PWWP2A: variants seen among roughly 807,000 people sequenced by gnomAD.
PWWP2A encodes PWWP domain containing 2A.
Under a neutral mutation model 48.5 loss-of-function variants are expected in PWWP2A, and 18 were observed. The ratio of observed to expected loss-of-function variants is 0.37; its 90% CI spans 0.26 to 0.55. The LOEUF (loss-of-function observed/expected upper bound fraction) is 0.55. Ranked by LOEUF, PWWP2A falls within the 20% of genes least tolerant of loss-of-function variation. The pLI, the probability that PWWP2A is intolerant of heterozygous loss-of-function variation, is 0.81. For synonymous variants in PWWP2A, 396 were observed against 387.7 expected, an observed-to-expected ratio of 1.02 and a Z score of -0.25; for missense variants, 867 against 976.4, an observed-to-expected ratio of 0.89 and a Z score of 1.49.
downstream of PWWP2A, chr5:160,089,520 A>G: frequency 7.8e-7 from 1 of 1,281,246 alleles, no homozygotes; most frequent in Non-Finnish European, 1.0e-6. Context: ...CCTCTCACAG[A>G]TAATTGTTTG....
downstream of PWWP2A, among the ~76,000 whole-genome samples, chr5:160,058,309 C>G (rs1299402894): frequency 6.6e-6 from 1 of 152,212 alleles, no homozygotes; most frequent in African/African-American, 2.4e-5. Flanking sequence ...TCTTCACCCC[C>G]TCAAAGTCAT....
intron 1 of PWWP2A, among the ~76,000 whole-genome samples, chr5:160,107,075 C>T (rs1032521211): frequency 1.3e-5 from 2 of 152,230 alleles, no homozygotes; most frequent in Non-Finnish European, 2.9e-5. Context: ...AGCCACCCAC[C>T]TTGGCCTCCC....
the PWWP2A span, among the ~76,000 whole-genome samples, chr5:160,045,072 G>C: frequency 2.2e-4 from 34 of 152,294 alleles, no homozygotes; most frequent in Middle Eastern, 3.4e-3. Flanking sequence ...TTTCCTTTAT[G>C]TGAGGATGTG....
intron 1 of PWWP2A, among the ~76,000 whole-genome samples, chr5:160,106,154 A>G (rs192974131): frequency 8.3e-4 from 126 of 152,306 alleles, no homozygotes; most frequent in Admixed American, 2.5e-3. Flanking sequence ...CCCCAGCAAA[A>G]CTATAAACTA....
chr5:160,111,525 A>C (rs540060760), intron 1 of PWWP2A, among the ~76,000 whole-genome samples: 1 of 151,794 alleles, frequency 6.6e-6, no homozygotes, highest in South Asian at 2.1e-4. Flanking sequence ...TCCCAGGTAC[A>C]TGGGAGGCTG....
downstream of PWWP2A, among the ~76,000 whole-genome samples, chr5:160,058,605 G>A (rs965614183): frequency 1.1e-4 from 16 of 151,636 alleles, no homozygotes; most frequent in Non-Finnish European, 2.9e-5. Context: ...TAGAGACAGG[G>A]TTTCACCGTG....
At chr5:160,100,041 C>T (rs1396531365) in intron 1 of PWWP2A, among the ~76,000 whole-genome samples, 1 of 151,976 alleles carries the variant, frequency 6.6e-6, no homozygotes, top group Non-Finnish European at 1.5e-5. Context: ...TGGCTCACGC[C>T]TGTAATCGCA....
At chr5:160,102,384 C>A (rs886626995) in intron 1 of PWWP2A, among the ~76,000 whole-genome samples, 1 of 117,436 alleles carries the variant, frequency 8.5e-6, no homozygotes, top group Non-Finnish European at 1.6e-5. Flanking sequence ...GGCAACCAGG[C>A]GAGACTCCAT....
At chr5:160,069,709 A>T (rs888938757) in intron 2 of PWWP2A, among the ~76,000 whole-genome samples, 3 of 152,214 alleles carry the variant, frequency 2.0e-5, no homozygotes, top group Admixed American at 2.0e-4. Context: ...ATAAAAATAA[A>T]TACATAATAA....
intron 1 of PWWP2A, among the ~76,000 whole-genome samples, chr5:160,115,137 CAAAAAAAAAAAAAAAAAAA>C (rs535110852): frequency 3.4e-5 from 3 of 88,412 alleles, no homozygotes; most frequent in South Asian, 3.5e-4. Context: ...GAGACTCTGT[CAAAAAAAAAAAAAAAAAAA>C]AAAAAAAAAA....
intron 2 of PWWP2A, among the ~76,000 whole-genome samples, chr5:160,085,827 TTTTTG>T (rs1326187330): frequency 1.3e-5 from 2 of 148,244 alleles, no homozygotes; most frequent in Admixed American, 6.8e-5. Context: ...ATTCTTTTTT[TTTTTG>T]TTTTGAGATG....
At chr5:160,115,272 C>G (rs1758007584) in intron 1 of PWWP2A, among the ~76,000 whole-genome samples, 1 of 151,392 alleles carries the variant, frequency 6.6e-6, no homozygotes, top group Admixed American at 6.6e-5. Context: ...GAAAATATAG[C>G]TGGCTGGCTG....
intron 1 of PWWP2A, among the ~76,000 whole-genome samples, chr5:160,109,778 T>TA (rs1757309513): frequency 4.5e-5 from 2 of 44,058 alleles, no homozygotes; most frequent in Non-Finnish European, 9.4e-5. Context: ...AAAAAAAATA[T>TA]ATATATATAT....
chr5:160,070,242 G>T (rs188866851), intron 2 of PWWP2A, among the ~76,000 whole-genome samples: 14 of 152,246 alleles, frequency 9.2e-5, no homozygotes, highest in African/African-American at 3.4e-4. Context: ...AGAGGCAGGA[G>T]GATCACTTGA....
downstream of PWWP2A, among the ~76,000 whole-genome samples, chr5:160,074,296 G>A (rs977272715): frequency 2.6e-5 from 4 of 151,314 alleles, no homozygotes; most frequent in Admixed American, 6.6e-5. Context: ...AAATTAGCTG[G>A]GAGTTGTGGC....
intron 1 of PWWP2A, among the ~76,000 whole-genome samples, chr5:160,096,533 T>C (rs572990537): frequency 2.8e-4 from 42 of 152,350 alleles, no homozygotes; most frequent in African/African-American, 9.1e-4. Flanking sequence ...GCATTAACAA[T>C]AACATTTTCT....
downstream of PWWP2A, among the ~76,000 whole-genome samples, chr5:160,086,711 G>C (rs962355223): frequency 7.2e-5 from 11 of 152,130 alleles, 1 homozygote; most frequent in Admixed American, 2.0e-4. Context: ...GGCCAACATG[G>C]TGGAACCCCA....
At position 160,113,415 on chromosome 5, in the gene PWWP2A, C is replaced by T. The variant is rs1561705076; in HGVS notation, c.584+5390G>A. The T allele has an allele frequency of 7.3e-6, 6 of 824,404 alleles. No individual in the cohort carries two copies. The Admixed American group carries it at 2.5e-4, about 34-fold the overall frequency. 51.1% of individuals were successfully genotyped at this position (824,404 alleles called of 1,614,324 possible). A position where few individuals can be genotyped will look rare whatever the true frequency, so the allele number is the denominator to read the frequency against. ...TTAGTCATCCACACATATATTAAATCCTGTGTTCTAGACTCAAACACCTTT... is the reference window on the plus strand; with the variant it reads ...TTAGTCATCCACACATATATTAAATTCTGTGTTCTAGACTCAAACACCTTT... On this transcript the variant is annotated intron_variant, in intron 1 of 1. Transcript: ENST00000307063.
chr5:160,058,358 A>G (rs1023281355), downstream of PWWP2A, among the ~76,000 whole-genome samples: 1 of 152,030 alleles, frequency 6.6e-6, no homozygotes, highest in Non-Finnish European at 1.5e-5. Context: ...AACTCCTGTT[A>G]ATGTTGGTAT....
Sources: allele counts gnomAD v4.1 joint callset (sites outside exome capture counted in the v4.1 genomes callset), GRCh38; gene constraint gnomAD v4.1.1; transcripts MANE v1.5; gene names NCBI Gene and HGNC (gene_info 2026-07-23, HGNC 2026-07-21).